DPP10: variants seen among roughly 807,000 people sequenced by gnomAD.
The protein encoded by DPP10 is dipeptidyl peptidase like 10, also known as inactive dipeptidyl peptidase 10.
Under a neutral mutation model 120.9 loss-of-function variants are expected in DPP10, and 33 were observed. The ratio of observed to expected loss-of-function variants is 0.27; its 90% confidence interval spans 0.21 to 0.37. The LOEUF (loss-of-function observed/expected upper bound fraction) is 0.37, where lower values mean the gene tolerates loss of function less well. Ranked by LOEUF, DPP10 falls within the 10% of genes least tolerant of loss-of-function variation. The probability of loss-of-function intolerance (pLI) is 1.00; values close to 1 mark genes in which losing one functional copy is unlikely to be tolerated. For missense variants in DPP10, 816 were observed against 942.8 expected (o/e 0.87, Z 1.76); for synonymous variants, 337 against 326.1 (o/e 1.03, Z -0.36).
intron 1 of DPP10, among the ~76,000 whole-genome samples, chr2:115,007,076 T>G (rs888929328): frequency 6.6e-6 from 1 of 151,872 alleles, no homozygotes; most frequent in African/African-American, 2.4e-5. Flanking sequence ...ACTCAAAACT[T>G]CTCAACTACA....
intron 1 of DPP10, among the ~76,000 whole-genome samples, chr2:114,814,113 C>T (rs953177902): frequency 2.6e-5 from 4 of 152,112 alleles, no homozygotes; most frequent in Non-Finnish European, 5.9e-5. Context: ...TGACGGATAA[C>T]AAAAGGTAAT....
chr2:115,005,467 GA>G, intron 1 of DPP10, among the ~76,000 whole-genome samples: 2 of 151,138 alleles, frequency 1.3e-5, no homozygotes, highest in Middle Eastern at 3.4e-3. Context: ...TGAAAACTTT[GA>G]AAAAAATTTA....
intron 1 of DPP10, among the ~76,000 whole-genome samples, chr2:114,811,804 G>A (rs1026890089): frequency 7.9e-5 from 12 of 152,196 alleles, no homozygotes; most frequent in African/African-American, 2.4e-4. Flanking sequence ...AACATCATCC[G>A]TGTGTTCTCT....
chr2:115,374,253 A>G (rs903101855), intron 3 of DPP10, among the ~76,000 whole-genome samples: 10 of 152,192 alleles, frequency 6.6e-5, no homozygotes, highest in African/African-American at 2.2e-4. Context: ...CTAAGATACA[A>G]TGGAGGTACA....
intron 1 of DPP10, among the ~76,000 whole-genome samples, chr2:114,991,441 A>C (rs747667054): frequency 1.3e-5 from 2 of 152,236 alleles, no homozygotes; most frequent in Non-Finnish European, 2.9e-5. Context: ...AAGACACAAA[A>C]GGGTAATTCT....
intron 1 of DPP10, among the ~76,000 whole-genome samples, chr2:115,028,935 G>T (rs1703655985): frequency 6.6e-6 from 1 of 151,872 alleles, no homozygotes; most frequent in South Asian, 2.1e-4. Context: ...TTCACTTTCA[G>T]TCTGTGTGTG....
intron 1 of DPP10, among the ~76,000 whole-genome samples, chr2:114,787,773 T>A (rs1453972602): frequency 3.3e-5 from 5 of 152,228 alleles, no homozygotes; most frequent in African/African-American, 1.2e-4. Flanking sequence ...CGCTTTGCTG[T>A]GATCTTCTTT....
intron 1 of DPP10, among the ~76,000 whole-genome samples, chr2:114,477,956 T>A (rs958721999): frequency 1.3e-5 from 2 of 149,400 alleles, no homozygotes; most frequent in Non-Finnish European, 3.0e-5. Context: ...TACATATATG[T>A]GTGTATATGT....
intron 1 of DPP10, among the ~76,000 whole-genome samples, chr2:115,085,666 AAC>A (rs1321309132): frequency 2.0e-5 from 3 of 152,202 alleles, no homozygotes; most frequent in Non-Finnish European, 4.4e-5. Flanking sequence ...CCCTTTAAAA[AAC>A]AGTGTTCCTC....
At chr2:115,768,466 T>C in intron 13 of DPP10, 62 bp downstream of exon 13, 1 of 1,446,836 alleles carries the variant, frequency 6.9e-7, no homozygotes, top group Admixed American at 1.8e-5. Context: ...AAGGCCCAGT[T>C]CTTGTGGCAT....
chr2:115,021,423 T>C (rs1243055861), intron 1 of DPP10, among the ~76,000 whole-genome samples: 5 of 152,060 alleles, frequency 3.3e-5, no homozygotes, highest in South Asian at 2.1e-4. Context: ...CTAGAGAAGA[T>C]GAATAAATTC....
At chr2:115,735,121 A>G (rs1011972309) in intron 8 of DPP10, among the ~76,000 whole-genome samples, 1 of 152,190 alleles carries the variant, frequency 6.6e-6, no homozygotes, top group African/African-American at 2.4e-5. Flanking sequence ...TCCTCCCTTC[A>G]TTTGATTCGC....
intron 2 of DPP10, among the ~76,000 whole-genome samples, chr2:115,322,149 G>A (rs537253429): frequency 1.3e-5 from 2 of 151,886 alleles, no homozygotes; most frequent in East Asian, 3.9e-4. Context: ...ATTACAGTTT[G>A]GAACTCTTAT....
In DPP10 at chr2:115,594,472, G is replaced by A. The variant is rs151114488; in HGVS notation, c.441+68500G>A. 6.0e-3 allele frequency among the ~76,000 whole-genome samples: 914 copies of A among 152,188 alleles called. 9 individuals carry two copies. The highest frequency in any genetic ancestry group is 0.021 in the African/African-American group (867 of 41,528). On this transcript the variant is annotated intron_variant, in intron 5 of 25. Transcript: ENST00000410059. Reference sequence around the variant, plus strand: ...ATCAGCAATGTTTTAAACAAAAAAAGTCATAAAAAATTATTTCAGTATCTA... The same window carrying A: ...ATCAGCAATGTTTTAAACAAAAAAAATCATAAAAAATTATTTCAGTATCTA...
At chr2:114,765,258 C>T (rs183589383) in intron 1 of DPP10, among the ~76,000 whole-genome samples, 1 of 152,140 alleles carries the variant, frequency 6.6e-6, no homozygotes, top group Non-Finnish European at 1.5e-5. Flanking sequence ...AATTATGTGT[C>T]GTTGGGGAAT....
At chr2:115,210,241 G>T (rs947721325) in intron 1 of DPP10, among the ~76,000 whole-genome samples, 2 of 151,952 alleles carry the variant, frequency 1.3e-5, no homozygotes, top group Non-Finnish European at 2.9e-5. Context: ...TCATTGTTCA[G>T]TTCTCACCTA....
intron 1 of DPP10, among the ~76,000 whole-genome samples, chr2:114,864,885 A>G (rs1690101577): frequency 6.6e-6 from 1 of 152,208 alleles, no homozygotes; most frequent in Non-Finnish European, 1.5e-5. Context: ...AGCCATTTTC[A>G]CAGTTTCCTC....
At chr2:114,641,848 GC>G (rs1259193444) in intron 1 of DPP10, among the ~76,000 whole-genome samples, 2 of 151,710 alleles carry the variant, frequency 1.3e-5, no homozygotes, top group Non-Finnish European at 2.9e-5. Context: ...AATAGTGGTG[GC>G]TCAAAAGCAC....
intron 5 of DPP10, among the ~76,000 whole-genome samples, chr2:115,547,195 T>A (rs978947503): frequency 6.6e-6 from 1 of 152,076 alleles, no homozygotes; most frequent in Non-Finnish European, 1.5e-5. Context: ...CCCAGCGAGG[T>A]CATTCTTCAT....
Sources: gnomAD v4.1 joint callset for allele counts (sites outside exome capture counted in the v4.1 genomes callset) on GRCh38, gnomAD v4.1.1 for gene constraint, MANE v1.5 for transcripts, NCBI Gene and HGNC (gene_info 2026-07-23, HGNC 2026-07-21) for gene names.